USP34: variants seen among roughly 807,000 people sequenced by gnomAD.
The protein encoded by USP34 is ubiquitin specific peptidase 34, also known as ubiquitin carboxyl-terminal hydrolase 34.
In USP34, 70 loss-of-function variants were observed where a neutral mutation model predicts 460.3. The ratio of observed to expected loss-of-function variants is 0.15; its 90% CI spans 0.13 to 0.19. The LOEUF is 0.19. Among genes scored for constraint, USP34 ranks in the 10% least tolerant of loss-of-function variants. The pLI is 1.00. For missense variants in USP34, 3,985 were observed against 4,236.2 expected (o/e 0.94, Z 1.65); for synonymous variants, 1,647 against 1,405.3 (o/e 1.17, Z -3.85).
At chr2:61,391,797 A>C (rs1283841194) in intron 5 of USP34, among the ~76,000 whole-genome samples, 1 of 152,222 alleles carries the variant, frequency 6.6e-6, no homozygotes, top group African/African-American at 2.4e-5. Context: ...CTCTTAATGT[A>C]CACTAAAATA....
chr2:61,253,610 G>C (rs530644275), intron 48 of USP34, among the ~76,000 whole-genome samples: 9 of 152,180 alleles, frequency 5.9e-5, no homozygotes, highest in African/African-American at 2.2e-4. Flanking sequence ...AGCAATTTTA[G>C]TATCTTATTG....
intron 5 of USP34, among the ~76,000 whole-genome samples, chr2:61,391,306 C>G (rs947182326): frequency 2.0e-5 from 3 of 151,872 alleles, no homozygotes; most frequent in African/African-American, 7.3e-5. Context: ...ATTAGCCAGT[C>G]TCAAAATAAA....
intron 43 of USP34, among the ~76,000 whole-genome samples, chr2:61,262,088 C>CAAAAAAAAA (rs61651654): frequency 2.1e-5 from 1 of 46,812 alleles, no homozygotes; most frequent in Non-Finnish European, 3.5e-5. Flanking sequence ...AAGACTTCGT[C>CAAAAAAAAA]AAAAAAAAAA....
chr2:61,378,912 C>CAAAAAAA (rs1491197501), intron 7 of USP34, among the ~76,000 whole-genome samples: 7 of 8,632 alleles, frequency 8.1e-4, no homozygotes, highest in Non-Finnish European at 1.1e-3. Flanking sequence ...CTCAAAAAAA[C>CAAAAAAA]GAAAAAAAAA....
intron 18 of USP34, 41 bp downstream of exon 18, chr2:61,339,310 A>G: frequency 6.3e-7 from 1 of 1,587,220 alleles, no homozygotes; most frequent in Non-Finnish European, 8.6e-7. Context: ...ACACCCAAAT[A>G]CTTTGACTAC....
At chr2:61,458,019 C>G (rs1351302460) in intron 1 of USP34, among the ~76,000 whole-genome samples, 1 of 152,076 alleles carries the variant, frequency 6.6e-6, no homozygotes, top group Admixed American at 6.6e-5. Flanking sequence ...AGTGATCTTA[C>G]GATTTTTCAG....
chr2:61,326,768 T>G (rs1572937654), intron 20 of USP34, among the ~76,000 whole-genome samples: 1 of 145,512 alleles, frequency 6.9e-6, no homozygotes, highest in Admixed American at 7.1e-5. Flanking sequence ...ATGCAGAAGG[T>G]CAATGGGCAT....
chr2:61,415,194 T>C (rs536854852), intron 2 of USP34, among the ~76,000 whole-genome samples: 43 of 152,130 alleles, frequency 2.8e-4, no homozygotes, highest in Middle Eastern at 6.8e-3. Context: ...AAATGAATTA[T>C]AAGGATGAGA....
chr2:61,445,229 A>G (rs1249398783), intron 1 of USP34, among the ~76,000 whole-genome samples: 7 of 148,246 alleles, frequency 4.7e-5, no homozygotes, highest in Non-Finnish European at 7.5e-5. Context: ...CACTAAAAAA[A>G]AAAAAAAAAA....
intron 64 of USP34, 91 bp from the exon 65 acceptor site, chr2:61,222,754 T>C: frequency 8.3e-7 from 1 of 1,211,930 alleles, no homozygotes; most frequent in Non-Finnish European, 1.2e-6. Flanking sequence ...TGGGATGCAG[T>C]GGCGAGATCA....
chr2:61,261,524 T>C (rs1688878454), intron 43 of USP34, among the ~76,000 whole-genome samples: 1 of 152,076 alleles, frequency 6.6e-6, no homozygotes, highest in Non-Finnish European at 1.5e-5. Flanking sequence ...GAGAGTTAAG[T>C]GTTTAACAAG....
At chr2:61,273,478 G>C (rs1161964259) in intron 41 of USP34, among the ~76,000 whole-genome samples, 1 of 152,146 alleles carries the variant, frequency 6.6e-6, no homozygotes, top group Non-Finnish European at 1.5e-5. Context: ...CAGCACTTTG[G>C]GAGGCCGAGG....
chr2:61,222,487 A>G lies in USP34; in HGVS notation c.7794+132T>C, dbSNP rs1282278417. ...GTAGTTCATTTTATTCACATTATAC[A>G]CTTAAAAATAGGTTATTATGTTATG... On this transcript the variant is annotated intron_variant, in intron 65 of 79. Coordinates refer to ENST00000398571, the MANE Select transcript of USP34 (RefSeq NM_014709.4). The G allele has an allele frequency of 4.6e-6, 3 of 650,402 alleles. No individual in the cohort carries two copies. In the East Asian group the frequency reaches 8.6e-5, roughly 19 times the overall value. The allele number at this position is 650,402 out of a possible 1,614,324, so 40.3% of individuals were successfully genotyped here.
chr2:61,220,151 TAAAAAAAAAAAAAAAAAAAAAAA>T, intron 67 of USP34, 136 bp downstream of exon 67: 3 of 165,916 alleles, frequency 1.8e-5, no homozygotes, highest in South Asian at 3.1e-4. Context: ...TTTCCTATCC[TAAAAAAAAAAAAAAAAAAAAAAA>T]AAAAAAAAGG....
rs777520011 is a variant in USP34 at position 61,188,404 on chromosome 2, A to G, written c.10339T>C (p.Cys3447Arg). 2.5e-6 allele frequency: 4 copies of G among 1,614,168 alleles called. No individual in the cohort carries two copies. Among genetic ancestry groups the G allele is most frequent in the Admixed American group, 1.7e-5 (1 of 60,014 alleles). Residue 3447 changes from cysteine to arginine, a missense_variant, in exon 80 of 80, where the codon TGT becomes CGT. Physicochemically the swap from Cys to Arg is radical, Grantham distance 180 (BLOSUM62 -3). This residue lies in a region of USP34 where 506 missense variants were observed against 439.0 expected (regional missense o/e 1.15). Transcript: ENST00000398571. ...EQSNNGRYDD[C>R]KEFKDLHCSK... is the part of the protein sequence containing the mutation. ...CAGTGGAGGTCTTTAAATTCTTTAC[A>G]ATCGTCATATCTACCATTGTTGGAC...
chr2:61,468,513 T>C (rs1695853048), intron 1 of USP34, among the ~76,000 whole-genome samples: 1 of 152,168 alleles, frequency 6.6e-6, no homozygotes, highest in Admixed American at 6.6e-5. Context: ...AGCATCACTG[T>C]GAGATTATTG....
intron 27 of USP34, among the ~76,000 whole-genome samples, chr2:61,303,459 A>G (rs913140396): frequency 2.0e-5 from 3 of 152,238 alleles, no homozygotes; most frequent in Non-Finnish European, 4.4e-5. Flanking sequence ...ATAATCTAAT[A>G]GCGATACCAT....
intron 59 of USP34, 82 bp from the exon 60 acceptor site, chr2:61,229,077 GA>G: frequency 9.0e-7 from 1 of 1,113,368 alleles, no homozygotes; most frequent in African/African-American, 1.6e-5. Context: ...TTTAAACTCT[GA>G]ATTTCTTTTA....
chr2:61,204,480 G>A lies in USP34; in HGVS notation c.9259+17C>T. On this transcript the variant is annotated intron_variant, in intron 73 of 79. Coordinates refer to ENST00000398571, the MANE Select transcript of USP34 (RefSeq NM_014709.4). ...AATGCGAACCATATTGAAGTACTGT[G>A]CTAGATAAATACGTACTTGGTATAT... 2 of 1,611,924 alleles carry A rather than the reference G, an allele frequency of 1.2e-6. No homozygotes were observed. Among genetic ancestry groups the A allele is most frequent in the Non-Finnish European group, 1.7e-6 (2 of 1,178,022 alleles).
Sources: allele counts gnomAD v4.1 joint callset (sites outside exome capture counted in the v4.1 genomes callset), GRCh38; gene constraint gnomAD v4.1.1; regional missense constraint gnomAD v4.1.1; transcripts MANE v1.5; gene names NCBI Gene and HGNC (gene_info 2026-07-23, HGNC 2026-07-21).